Variants in MTA3 observed in about 807,000 individuals in gnomAD.
MTA3 encodes the protein metastasis associated 1 family member 3, also known as metastasis-associated protein MTA3.
A neutral mutation model predicts 83.5 loss-of-function variants in MTA3; 34 were observed. The observed-to-expected ratio is 0.41, with a 90% CI of 0.31 to 0.54. The LOEUF (loss-of-function observed/expected upper bound fraction) is 0.54. Among genes scored for constraint, MTA3 ranks in the 20% least tolerant of loss-of-function variants. The pLI is 0.33. For synonymous variants in MTA3, 303 were observed against 252.7 expected (o/e 1.20, Z -1.89); for missense variants, 761 against 726.4 (o/e 1.05, Z -0.55).
At chr2:42,649,862 A>T (rs796942183) in intron 6 of MTA3, among the ~76,000 whole-genome samples, 14 of 152,384 alleles carry the variant, frequency 9.2e-5, no homozygotes, top group African/African-American at 3.4e-4. Context: ...CCTACAGCTC[A>T]GTGGAAGAAG....
intron 4 of MTA3, among the ~76,000 whole-genome samples, chr2:42,611,043 G>A (rs779685471): frequency 6.1e-5 from 9 of 148,302 alleles, no homozygotes; most frequent in Non-Finnish European, 1.0e-4. Flanking sequence ...GTGCAGTGGC[G>A]CGATCTTGGC....
At chr2:42,532,891 C>CT in intron 2 of MTA3, 13 of 329,198 alleles carry the variant, frequency 3.9e-5, no homozygotes, top group South Asian at 1.3e-4. Context: ...TCTTTGGCTT[C>CT]TTTTTTTCCT....
intron 4 of MTA3, among the ~76,000 whole-genome samples, chr2:42,610,259 C>G (rs563154661): frequency 6.6e-6 from 1 of 152,154 alleles, no homozygotes; most frequent in African/African-American, 2.4e-5. Context: ...CATTAGAAGC[C>G]AAAGGTTAGA....
chr2:42,585,099 A>T (rs999420691), intron 3 of MTA3, among the ~76,000 whole-genome samples: 5 of 148,386 alleles, frequency 3.4e-5, no homozygotes, highest in Middle Eastern at 3.5e-3. Flanking sequence ...AATAATAATA[A>T]TTTTTTGAGA....
chr2:42,655,424 C>T (rs1186475794), intron 6 of MTA3, among the ~76,000 whole-genome samples: 1 of 152,062 alleles, frequency 6.6e-6, no homozygotes, highest in Non-Finnish European at 1.5e-5. Context: ...GCATTCGTAC[C>T]CTTTAGTTCT....
chr2:42,723,774 C>G (rs1278811158), intron 16 of MTA3, among the ~76,000 whole-genome samples: 1 of 152,194 alleles, frequency 6.6e-6, no homozygotes, highest in Non-Finnish European at 1.5e-5. Flanking sequence ...ATAAAACTCT[C>G]TCCAGGCTTT....
intron 3 of MTA3, among the ~76,000 whole-genome samples, chr2:42,599,464 CG>C (rs1682273085): frequency 6.6e-6 from 1 of 151,864 alleles, no homozygotes; most frequent in Non-Finnish European, 1.5e-5. Flanking sequence ...GGTGTGGTGG[CG>C]GGCGCCTCCA....
intron 2 of MTA3, among the ~76,000 whole-genome samples, chr2:42,560,366 G>C (rs547553030): frequency 6.6e-6 from 1 of 151,862 alleles, no homozygotes; most frequent in South Asian, 2.1e-4. Flanking sequence ...AAATCAAGCT[G>C]TGGTTGGTGG....
chr2:42,663,337 G>T (rs956056728), intron 8 of MTA3, among the ~76,000 whole-genome samples: 1 of 152,186 alleles, frequency 6.6e-6, no homozygotes, highest in South Asian at 2.1e-4. Context: ...GCTGGTGAAT[G>T]TGCAGGACAG....
At chr2:42,564,014 G>C (rs113150205), upstream of MTA3, among the ~76,000 whole-genome samples, 671 of 151,918 alleles carry the variant, frequency 4.4e-3, 4 homozygotes, top group African/African-American at 0.014. Flanking sequence ...TAGTAGAGAT[G>C]GCGTTTCACT....
intron 16 of MTA3, 141 bp downstream of exon 16, chr2:42,723,176 A>G (rs1382644126): frequency 3.0e-6 from 3 of 1,008,058 alleles, no homozygotes; most frequent in Non-Finnish European, 2.9e-6. Context: ...ATAAGGGGGA[A>G]TACAGCCATA....
intron 7 of MTA3, chr2:42,659,414 T>G (rs1299384506): frequency 6.5e-6 from 1 of 153,156 alleles, no homozygotes; most frequent in Non-Finnish European, 1.5e-5. Flanking sequence ...GCTGTAATAG[T>G]CAAACTCTGC....
chr2:42,704,582 G>GTT (rs1665902333), intron 12 of MTA3, among the ~76,000 whole-genome samples: 1 of 152,176 alleles, frequency 6.6e-6, no homozygotes, highest in Non-Finnish European at 1.5e-5. Flanking sequence ...TCATAGCAGT[G>GTT]TTTGCTGAGT....
At chr2:42,654,110 G>A (rs1688948887) in intron 6 of MTA3, among the ~76,000 whole-genome samples, 1 of 152,158 alleles carries the variant, frequency 6.6e-6, no homozygotes, top group South Asian at 2.1e-4. Context: ...GATCTTTTTG[G>A]CCTAGTACTA....
intron 4 of MTA3, among the ~76,000 whole-genome samples, chr2:42,633,763 G>A (rs1334033585): frequency 6.6e-6 from 1 of 151,452 alleles, no homozygotes; most frequent in African/African-American, 2.4e-5. Flanking sequence ...CCGTGGTGGC[G>A]GGCGCCTGTA....
chr2:42,495,807 G>T (rs1251688044), intron 2 of MTA3, among the ~76,000 whole-genome samples: 3 of 152,160 alleles, frequency 2.0e-5, no homozygotes, highest in African/African-American at 7.2e-5. Flanking sequence ...TAAGGAGAAG[G>T]TCATTTCGCA....
intron 15 of MTA3, among the ~76,000 whole-genome samples, chr2:42,720,397 G>T (rs979985798): frequency 5.9e-5 from 9 of 151,934 alleles, no homozygotes; most frequent in African/African-American, 1.7e-4. Flanking sequence ...TAGCCAGGAG[G>T]GTCTCAATCT....
intron 16 of MTA3, among the ~76,000 whole-genome samples, chr2:42,749,395 A>G (rs1198617433): frequency 4.6e-5 from 7 of 152,172 alleles, no homozygotes; most frequent in African/African-American, 1.7e-4. Flanking sequence ...TTCTAGGTTC[A>G]TAACCCCTCC....
chr2:42,529,004 T>G (rs1470172283), intron 2 of MTA3, among the ~76,000 whole-genome samples: 2 of 152,232 alleles, frequency 1.3e-5, no homozygotes, highest in African/African-American at 4.8e-5. Flanking sequence ...GAGTAGTTTG[T>G]AGCCTGTTTA....
Sources: gnomAD v4.1 joint callset for allele counts (sites outside exome capture counted in the v4.1 genomes callset) on GRCh38, gnomAD v4.1.1 for gene constraint, MANE v1.5 for transcripts, NCBI Gene and HGNC (gene_info 2026-07-23, HGNC 2026-07-21) for gene names.